Variants in ATP13A4 observed in about 807,000 individuals in gnomAD.
ATP13A4 encodes probable cation-transporting ATPase 13A4.
Under a neutral mutation model 142.5 loss-of-function variants are expected in ATP13A4, and 114 were observed. The ratio of observed to expected loss-of-function variants is 0.80; its 90% CI spans 0.69 to 0.93. ATP13A4 has a LOEUF of 0.93. Among genes scored for constraint, ATP13A4 ranks in the 40% least tolerant of loss-of-function variants. The pLI, the probability that ATP13A4 is intolerant of heterozygous loss-of-function variation, is 0.00. For missense variants in ATP13A4, 1,392 were observed against 1,454.0 expected, an observed-to-expected ratio of 0.96 and a Z score of 0.69; for synonymous variants, 488 against 514.8, an observed-to-expected ratio of 0.95 and a Z score of 0.70.
chr3:193,445,671 C>A (rs923340502), intron 18 of ATP13A4, among the ~76,000 whole-genome samples: 1 of 151,932 alleles, frequency 6.6e-6, no homozygotes, highest in African/African-American at 2.4e-5. Context: ...GCAGGAGAAT[C>A]GCTTGAACCC....
intron 16 of ATP13A4, 123 bp from the exon 17 acceptor site, chr3:193,454,335 A>T: frequency 1.4e-6 from 1 of 738,010 alleles, no homozygotes; most frequent in South Asian, 1.5e-5. Flanking sequence ...ATATGTAAAC[A>T]AGTCAGTTGA....
At chr3:193,530,133 A>ATTC (rs1235367451) in intron 1 of ATP13A4, among the ~76,000 whole-genome samples, 2 of 152,152 alleles carry the variant, frequency 1.3e-5, no homozygotes, top group Admixed American at 1.3e-4. Flanking sequence ...TATGTCCTAT[A>ATTC]ACTACTCACC....
At chr3:193,458,761 A>G in intron 14 of ATP13A4, 1 of 551,828 alleles carries the variant, frequency 1.8e-6, no homozygotes, top group Non-Finnish European at 3.2e-6. Context: ...CTCGGAGAAC[A>G]GTACAGAGAG....
chr3:193,520,916 T>G (rs1477551528), intron 1 of ATP13A4, among the ~76,000 whole-genome samples: 1 of 152,112 alleles, frequency 6.6e-6, no homozygotes, highest in African/African-American at 2.4e-5. Flanking sequence ...TCTCTCTCAT[T>G]CCCAGCTTTG....
intron 2 of ATP13A4, among the ~76,000 whole-genome samples, chr3:193,580,705 G>C (rs1219554297): frequency 6.6e-6 from 1 of 152,108 alleles, no homozygotes; most frequent in African/African-American, 2.4e-5. Flanking sequence ...AAAAATACCT[G>C]CGAGTAGGGG....
chr3:193,573,308 C>CGTATATATATATATATTCATATAT (rs1229145689), intron 2 of ATP13A4, among the ~76,000 whole-genome samples: 1 of 103,674 alleles, frequency 9.6e-6, no homozygotes, highest in African/African-American at 4.7e-5. Context: ...TATATATATA[C>CGTATATATATATATATTCATATAT]ATATATATAT....
chr3:193,457,107 G>A lies in ATP13A4; in HGVS notation c.1808C>T (p.Ser603Leu), dbSNP rs758697257. 4.5e-5 allele frequency: 72 copies of A among 1,613,704 alleles called. No homozygotes were observed. Among genetic ancestry groups the A allele is most frequent in the Middle Eastern group, 1.8e-4 (1 of 5,674 alleles). The change falls in exon 16 of 30, where the codon TCG (serine) becomes TTG (leucine). Residue 603 changes from serine to leucine, a missense_variant. Physicochemically the swap from Ser to Leu is moderately radical, Grantham distance 145. Coordinates refer to ENST00000342695, the MANE Select transcript of ATP13A4 (RefSeq NM_032279.4). ...AATGACTGTCATTCTTTGCAGTGCC[G>A]ATGAGAATGGGAACTGATGCAGGAT... Reference protein sequence around the residue: ...IAILHQFPFSSALQRMTVIVQ... With the variant: ...IAILHQFPFSLALQRMTVIVQ...
chr3:193,538,945 A>G (rs1308034644), intron 1 of ATP13A4, among the ~76,000 whole-genome samples: 4 of 129,466 alleles, frequency 3.1e-5, no homozygotes, highest in South Asian at 4.9e-4. Flanking sequence ...CCCAAGCTGG[A>G]GCACGGCCTC....
intron 2 of ATP13A4, among the ~76,000 whole-genome samples, chr3:193,577,431 A>G (rs915428782): frequency 6.6e-6 from 1 of 152,134 alleles, no homozygotes; most frequent in African/African-American, 2.4e-5. Flanking sequence ...TAAATCTCAC[A>G]TTCATCCTTT....
chr3:193,560,359 C>T (rs1723988699), intron 2 of ATP13A4, among the ~76,000 whole-genome samples: 1 of 152,042 alleles, frequency 6.6e-6, no homozygotes, highest in African/African-American at 2.4e-5. Flanking sequence ...CAGGCAAGAG[C>T]CACCATGCCC....
In ATP13A4 at chr3:193,502,653, C is replaced by T. The variant is rs1261305099; in HGVS notation, c.235-14G>A. 1.2e-6 allele frequency: 2 copies of T among 1,612,924 alleles called. No homozygotes were observed. The highest frequency in any genetic ancestry group is 1.7e-5 in the Admixed American group (1 of 60,006). On this transcript the variant is annotated splice_polypyrimidine_tract_variant and intron_variant, in intron 2 of 29. Transcript: ENST00000342695. ...TTGGAATTCATCCTGAGGAGATAGA[C>T]ATCAAAACCCCCAAGAAGTTAAGAG... is the stretch of plus-strand genomic sequence containing the variant.
At chr3:193,405,311 A>G (rs1714441497) in intron 29 of ATP13A4, among the ~76,000 whole-genome samples, 1 of 152,248 alleles carries the variant, frequency 6.6e-6, no homozygotes, top group Non-Finnish European at 1.5e-5. Flanking sequence ...AATGATAATA[A>G]GTGGTCTAAG....
At chr3:193,487,938 T>C (rs537289359) in intron 7 of ATP13A4, among the ~76,000 whole-genome samples, 1 of 152,104 alleles carries the variant, frequency 6.6e-6, no homozygotes, top group South Asian at 2.1e-4. Context: ...TTTGTGCAGA[T>C]GCAGAAAGAT....
At chr3:193,558,699 C>CAGAGAGCA, upstream of ATP13A4, among the ~76,000 whole-genome samples, 1 of 152,234 alleles carries the variant, frequency 6.6e-6, no homozygotes, top group Non-Finnish European at 1.5e-5. Context: ...ACAAAGGAGA[C>CAGAGAGCA]AGAGAGCAAA....
chr3:193,413,998 T>C (rs1205809925), intron 26 of ATP13A4, among the ~76,000 whole-genome samples: 1 of 152,174 alleles, frequency 6.6e-6, no homozygotes, highest in Non-Finnish European at 1.5e-5. Flanking sequence ...GCAGCTCAGA[T>C]GGGCATCACG....
chr3:193,513,460 C>T (rs1721242797), intron 2 of ATP13A4, among the ~76,000 whole-genome samples: 1 of 152,170 alleles, frequency 6.6e-6, no homozygotes, highest in African/African-American at 2.4e-5. Context: ...GAAGAGAGTC[C>T]TCTAGGAGAC....
intron 1 of ATP13A4, among the ~76,000 whole-genome samples, chr3:193,541,192 T>TGAGCCGAGATC (rs1722891328): frequency 7.4e-6 from 1 of 134,732 alleles, no homozygotes; most frequent in Non-Finnish European, 1.5e-5. Flanking sequence ...GAGCTTGCAG[T>TGAGCCGAGATC]GAGCCGAGAT....
intron 29 of ATP13A4, among the ~76,000 whole-genome samples, chr3:193,405,945 T>C (rs1714470532): frequency 6.6e-6 from 1 of 152,196 alleles, no homozygotes; most frequent in Non-Finnish European, 1.5e-5. Context: ...ACCATCATTC[T>C]GCCACTGGGT....
At chr3:193,548,052 T>C (rs949375330) in intron 1 of ATP13A4, among the ~76,000 whole-genome samples, 5 of 152,154 alleles carry the variant, frequency 3.3e-5, no homozygotes, top group East Asian at 1.9e-4. Context: ...AAGTATCTCA[T>C]AGAAAAATAG....
Sources: gnomAD v4.1 joint callset for allele counts (sites outside exome capture counted in the v4.1 genomes callset) on GRCh38, gnomAD v4.1.1 for gene constraint, MANE v1.5 for transcripts, NCBI Gene and HGNC (gene_info 2026-07-23, HGNC 2026-07-21) for gene names.